Variants in DNAJC9 observed in about 807,000 individuals in gnomAD.
The protein encoded by DNAJC9 is DnaJ heat shock protein family (Hsp40) member C9, also known as dnaJ homolog subfamily C member 9.
In DNAJC9, 18 loss-of-function variants were observed where a neutral mutation model predicts 32.4. The observed-to-expected ratio is 0.56, with a 90% CI of 0.38 to 0.82. The LOEUF (loss-of-function observed/expected upper bound fraction) is 0.82, where lower values mean the gene tolerates loss of function less well. Ranked by LOEUF, DNAJC9 falls within the 40% of genes least tolerant of loss-of-function variation. The probability of loss-of-function intolerance (pLI) is 0.00; values close to 1 mark genes in which losing one functional copy is unlikely to be tolerated. For missense variants in DNAJC9, 310 were observed against 321.8 expected (o/e 0.96, Z 0.28); for synonymous variants, 113 against 122.1 (o/e 0.93, Z 0.49).
rs2044004865 is a variant in DNAJC9 at position 73,246,125 on chromosome 10, C to T, written c.373G>A (p.Glu125Lys). The part of the protein sequence containing the change: ...AFEKTYKGSE[E>K]ELADIKQAYL... ...GCCTGCTTAATATCAGCCAGCTCTT[C>T]TTCCGAACCTTTGTATGTCTTTTCA... is the stretch of plus-strand genomic sequence containing the variant. Residue 125 changes from glutamate (E) to lysine (K), a missense_variant, in exon 3 of 5, where the codon GAA becomes AAA. Physicochemically the swap from Glu to Lys is moderately conservative, Grantham distance 56. Coordinates refer to ENST00000372950, the MANE Select transcript of DNAJC9 (RefSeq NM_015190.5). The T allele has an allele frequency of 1.7e-5, 27 of 1,613,926 alleles. No homozygotes were observed. The highest frequency in any genetic ancestry group is 2.3e-5 in the Non-Finnish European group (27 of 1,179,962).
chr10:73,245,038 G>A (rs2043991093), intron 3 of DNAJC9, among the ~76,000 whole-genome samples: 1 of 152,134 alleles, frequency 6.6e-6, no homozygotes, highest in Admixed American at 6.5e-5. Context: ...AGGAAATGAT[G>A]AACGACTTAA....
chr10:73,232,905 T>G (rs202052222), intron 2 of DNAJC9: 30 of 1,258,700 alleles, frequency 2.4e-5, no homozygotes, highest in Non-Finnish European at 3.3e-5. Flanking sequence ...ATACTGATCT[T>G]TACTTCATTG....
At chr10:73,241,862 G>A (rs1288433911), downstream of DNAJC9, 1 of 152,144 alleles carries the variant, frequency 6.6e-6, no homozygotes, top group Admixed American at 6.5e-5. Flanking sequence ...AATTAATTCA[G>A]CATAAACATA....
chr10:73,246,651 T>TG, intron 2 of DNAJC9, 37 bp downstream of exon 2: 1 of 1,610,350 alleles, frequency 6.2e-7, no homozygotes, highest in Non-Finnish European at 8.5e-7. Context: ...GATTGAATGA[T>TG]GGTAACAGTC....
At chr10:73,240,957 C>T, downstream of DNAJC9, 1 of 1,539,688 alleles carries the variant, frequency 6.5e-7, no homozygotes, top group Non-Finnish European at 8.8e-7. Flanking sequence ...TCCTCAGTTA[C>T]ATGGGTCTAC....
At chr10:73,233,004 CA>C (rs1564715255) in intron 2 of DNAJC9, 1 of 1,551,906 alleles carries the variant, frequency 6.4e-7, no homozygotes, top group Non-Finnish European at 8.7e-7. Flanking sequence ...CGAAATTGGC[CA>C]AATCGAGCTG....
rs750139598 is a variant in DNAJC9 at position 73,246,828 on chromosome 10, T to C, written c.181A>G (p.Ile61Val). 5 of 1,614,038 alleles carry C rather than the reference T, an allele frequency of 3.1e-6. No individual in the cohort carries two copies. The East Asian group carries it at 1.1e-4, about 36-fold the overall frequency. Reference sequence around the variant, plus strand: ...AGAACGGAATAGACTTTTCCCAGGATCTGAGGGCAAAGAGTATCCGTAAAT... The same window carrying C: ...AGAACGGAATAGACTTTTCCCAGGACCTGAGGGCAAAGAGTATCCGTAAAT... ...DKEDATRRFQ[I>V]LGKVYSVLSD... The change falls in exon 2 of 5, where the codon ATC (isoleucine) becomes GTC (valine). Residue 61 changes from isoleucine (I) to valine (V), a missense_variant and splice_region_variant. Physicochemically the swap from Ile to Val is conservative, Grantham distance 29. Coordinates refer to ENST00000372950, the MANE Select transcript of DNAJC9 (RefSeq NM_015190.5).
downstream of DNAJC9, among the ~76,000 whole-genome samples, chr10:73,237,809 A>G (rs2043855223): frequency 6.6e-6 from 1 of 151,810 alleles, no homozygotes; most frequent in South Asian, 2.1e-4. Flanking sequence ...CTGCAGCCTC[A>G]AACTCCTGGG....
intron 3 of DNAJC9, 70 bp from the exon 4 acceptor site, chr10:73,243,999 G>A (rs2133426027): frequency 7.9e-7 from 1 of 1,259,206 alleles, no homozygotes; most frequent in South Asian, 1.3e-5. Context: ...TTTCCCAAAA[G>A]CAAATCTATA....
chr10:73,236,475 G>A (rs757681274), downstream of DNAJC9, among the ~76,000 whole-genome samples: 4 of 149,480 alleles, frequency 2.7e-5, no homozygotes, highest in South Asian at 2.1e-4. Context: ...GTGTAATGGC[G>A]CAATCTCAGC....
At chr10:73,246,921 A>T in intron 1 of DNAJC9, 89 bp downstream of exon 1, 1 of 1,591,702 alleles carries the variant, frequency 6.3e-7, no homozygotes. Flanking sequence ...AGCGGAGCTC[A>T]GCGCGCTCCC....
chr10:73,242,438 G>A lies in DNAJC9; in HGVS notation c.*962C>T, dbSNP rs2043965445. Reference sequence around the variant, plus strand: ...TAAAGAATCAGAAAGGGGCCTGTAAGAAGTCATTTAGCCCAATTCCCTCAC... The same window carrying A: ...TAAAGAATCAGAAAGGGGCCTGTAAAAAGTCATTTAGCCCAATTCCCTCAC... On this transcript the variant is annotated 3_prime_UTR_variant, in exon 5 of 5. Coordinates refer to ENST00000372950, the MANE Select transcript of DNAJC9 (RefSeq NM_015190.5). 1 of 152,150 alleles carries A rather than the reference G, an allele frequency of 6.6e-6. No homozygotes were observed. Among genetic ancestry groups the A allele is most frequent in the Non-Finnish European group, 1.5e-5 (1 of 68,012 alleles). The allele number at this position is 152,150 out of a possible 1,614,324, so 9.4% of individuals were successfully genotyped here.
intron 1 of DNAJC9, 78 bp from the exon 2 acceptor site, chr10:73,246,906 C>G: frequency 1.2e-6 from 2 of 1,601,418 alleles, no homozygotes; most frequent in Non-Finnish European, 1.7e-6. Flanking sequence ...GATCAGAAGG[C>G]GCCAAGCGGA....
At chr10:73,245,045 TTAAGA>T (rs2043991156) in intron 3 of DNAJC9, among the ~76,000 whole-genome samples, 2 of 152,206 alleles carry the variant, frequency 1.3e-5, no homozygotes, top group African/African-American at 2.4e-5. Context: ...GATGAACGAC[TTAAGA>T]TAATTGTCAG....
downstream of DNAJC9, chr10:73,234,578 G>A: frequency 2.1e-6 from 1 of 468,468 alleles, no homozygotes; most frequent in Non-Finnish European, 3.8e-6. Context: ...CTGTGGGAGA[G>A]AAAAGGCCAG....
Position 73,247,207 on chromosome 10 carries a change from C to T in DNAJC9, c.-18G>A. The T allele has an allele frequency of 6.3e-7, 1 of 1,581,388 alleles. No homozygotes were observed. Among genetic ancestry groups the T allele is most frequent in the Non-Finnish European group, 8.6e-7 (1 of 1,164,978 alleles). On this transcript the variant is annotated 5_prime_UTR_variant, in exon 1 of 5. Coordinates refer to ENST00000372950, the MANE Select transcript of DNAJC9 (RefSeq NM_015190.5). ...AGCCCCATGCCGGGCGGAGATACGACCCCGGAGGAAGCAGCCGCTCCCAGC... is the reference window on the plus strand; with the variant it reads ...AGCCCCATGCCGGGCGGAGATACGATCCCGGAGGAAGCAGCCGCTCCCAGC...
downstream of DNAJC9, chr10:73,241,340 A>G (rs2043947875): frequency 3.1e-6 from 1 of 323,744 alleles, no homozygotes; most frequent in Non-Finnish European, 5.9e-6. Flanking sequence ...CAGTTCAATC[A>G]TATAGGATTT....
Position 73,246,271 on chromosome 10 carries a change from T to C in DNAJC9, c.322-95A>G, listed in dbSNP as rs574062432. 24 of 1,323,736 alleles carry C rather than the reference T, an allele frequency of 1.8e-5. No homozygotes were observed. The South Asian group carries it at 2.1e-4, about 12-fold the overall frequency. 82.0% of individuals were successfully genotyped at this position (1,323,736 alleles called of 1,614,324 possible). ...AGAGTTGGGTGTTGAATTGCTGCAATACAACAGTTGCTTGAGTTGAAATTA... is the reference window on the plus strand; with the variant it reads ...AGAGTTGGGTGTTGAATTGCTGCAACACAACAGTTGCTTGAGTTGAAATTA... On this transcript the variant is annotated intron_variant, in intron 2 of 4. Coordinates refer to ENST00000372950, the MANE Select transcript of DNAJC9 (RefSeq NM_015190.5).
At chr10:73,246,299 G>T in intron 2 of DNAJC9, 123 bp from the exon 3 acceptor site, 1 of 1,117,154 alleles carries the variant, frequency 9.0e-7, no homozygotes, top group Non-Finnish European at 1.3e-6. Context: ...TGAAATTATT[G>T]AACCAGATTT....
Sources: gnomAD v4.1 joint callset for allele counts (sites outside exome capture counted in the v4.1 genomes callset) on GRCh38, gnomAD v4.1.1 for gene constraint, MANE v1.5 for transcripts, NCBI Gene and HGNC (gene_info 2026-07-23, HGNC 2026-07-21) for gene names.